The following RPS6KC1 variants were observed in gnomAD, a reference collection of about 807,000 sequenced individuals.
The protein encoded by RPS6KC1 is ribosomal protein S6 kinase C1.
A neutral mutation model predicts 103.8 loss-of-function variants in RPS6KC1; 54 were observed. That is an observed-to-expected ratio of 0.52 (90% CI 0.42 to 0.65). RPS6KC1 has a LOEUF of 0.65. Ranked by LOEUF, RPS6KC1 falls within the 30% of genes least tolerant of loss-of-function variation. The probability of loss-of-function intolerance (pLI) is 0.00; values close to 1 mark genes in which losing one functional copy is unlikely to be tolerated. For missense variants in RPS6KC1, 1,151 were observed against 1,253.8 expected, an observed-to-expected ratio of 0.92 and a Z score of 1.24; for synonymous variants, 439 against 438.7, an observed-to-expected ratio of 1.00 and a Z score of -0.01.
the RPS6KC1 span, among the ~76,000 whole-genome samples, chr1:213,565,234 T>A: frequency 6.6e-6 from 1 of 151,488 alleles, no homozygotes; most frequent in South Asian, 2.1e-4. Context: ...TGTACACACC[T>A]ACGCCATGAC....
At chr1:213,594,192 C>T in the RPS6KC1 span, among the ~76,000 whole-genome samples, 1 of 152,130 alleles carries the variant, frequency 6.6e-6, no homozygotes, top group Non-Finnish European at 1.5e-5. Flanking sequence ...GGTACTATTT[C>T]TTCCATTAAA....
the RPS6KC1 span, among the ~76,000 whole-genome samples, chr1:213,363,776 T>C: frequency 4.5e-4 from 37 of 82,418 alleles, 9 homozygotes; most frequent in African/African-American, 2.2e-3. Flanking sequence ...CTTTCTTTCT[T>C]TCTTTCTTTC....
At chr1:213,067,188 CTTGG>C (rs1457946244) in intron 1 of RPS6KC1, among the ~76,000 whole-genome samples, 1 of 152,190 alleles carries the variant, frequency 6.6e-6, no homozygotes, top group African/African-American at 2.4e-5. Context: ...CCCCTACCAC[CTTGG>C]GCACATGTTG....
chr1:213,549,660 A>G, the RPS6KC1 span, among the ~76,000 whole-genome samples: 6 of 132,028 alleles, frequency 4.5e-5, no homozygotes, highest in African/African-American at 1.4e-4. Flanking sequence ...ATGTTAAGGA[A>G]GGAACAATGC....
chr1:213,736,664 C>A, the RPS6KC1 span, among the ~76,000 whole-genome samples: 1 of 152,152 alleles, frequency 6.6e-6, no homozygotes, highest in Non-Finnish European at 1.5e-5. Context: ...CATTGGGGGT[C>A]AACCTCATCA....
At chr1:213,779,784 G>A in the RPS6KC1 span, among the ~76,000 whole-genome samples, 2 of 152,166 alleles carry the variant, frequency 1.3e-5, no homozygotes, top group African/African-American at 4.8e-5. Context: ...TTGCCACAAG[G>A]AGATGCGCAG....
the RPS6KC1 span, among the ~76,000 whole-genome samples, chr1:213,290,962 T>C: frequency 2.6e-5 from 4 of 152,264 alleles, no homozygotes; most frequent in Non-Finnish European, 4.4e-5. Context: ...ACCTCCTCCT[T>C]CAATTTCCAC....
chr1:213,835,172 T>A, the RPS6KC1 span, among the ~76,000 whole-genome samples: 5 of 152,066 alleles, frequency 3.3e-5, no homozygotes, highest in Admixed American at 3.3e-4. Context: ...AGCAGGAGTG[T>A]CCTAGGAAAA....
the RPS6KC1 span, among the ~76,000 whole-genome samples, chr1:213,727,549 G>A: frequency 5.9e-5 from 9 of 152,316 alleles, no homozygotes; most frequent in East Asian, 1.9e-4. Flanking sequence ...GGCACTCAAA[G>A]TCTGTGAAGA....
the RPS6KC1 span, among the ~76,000 whole-genome samples, chr1:213,735,571 A>G: frequency 6.6e-6 from 1 of 152,204 alleles, no homozygotes; most frequent in African/African-American, 2.4e-5. Flanking sequence ...TTCTACCTAC[A>G]TTGCTAGTAG....
the RPS6KC1 span, among the ~76,000 whole-genome samples, chr1:213,624,198 C>T: frequency 6.6e-6 from 1 of 152,148 alleles, no homozygotes; most frequent in East Asian, 1.9e-4. Flanking sequence ...TTGGGCATGG[C>T]ACTAACTTTA....
the RPS6KC1 span, among the ~76,000 whole-genome samples, chr1:213,688,726 TG>T: frequency 1.3e-5 from 2 of 152,210 alleles, no homozygotes; most frequent in African/African-American, 4.8e-5. Flanking sequence ...GAAATTCTGT[TG>T]ATTCCGGATT....
the RPS6KC1 span, among the ~76,000 whole-genome samples, chr1:213,809,539 C>A: frequency 1.3e-5 from 2 of 151,916 alleles, no homozygotes; most frequent in Non-Finnish European, 2.9e-5. Context: ...ATTTATGAGG[C>A]ATAATAAAGT....
the RPS6KC1 span, among the ~76,000 whole-genome samples, chr1:213,564,216 G>A: frequency 6.6e-6 from 1 of 151,752 alleles, no homozygotes; most frequent in Non-Finnish European, 1.5e-5. Flanking sequence ...AGGTTAACTG[G>A]GTATAAAATT....
chr1:213,272,604 C>A lies in RPS6KC1; in HGVS notation c.3171C>A (p.Thr1057=). ...ATATCAAATCTCATCCATTTTTTACCCCTGTGGATTGGGCAGAACTGATGA... is the reference window on the plus strand; with the variant it reads ...ATATCAAATCTCATCCATTTTTTACACCTGTGGATTGGGCAGAACTGATGA... ...VEDIKSHPFF[T]PVDWAELMR is the part of the protein sequence containing the mutation. Residue 1057 remains threonine (T), a synonymous_variant, in exon 15 of 15, where the codon ACC becomes ACA. Coordinates refer to ENST00000366960, the MANE Select transcript of RPS6KC1 (RefSeq NM_012424.6). The A allele has an allele frequency of 4.3e-6, 7 of 1,613,490 alleles. No individual in the cohort carries two copies. The highest frequency in any genetic ancestry group is 5.9e-6 in the Non-Finnish European group (7 of 1,179,560).
At chr1:213,651,790 A>G in the RPS6KC1 span, among the ~76,000 whole-genome samples, 4 of 151,864 alleles carry the variant, frequency 2.6e-5, no homozygotes, top group African/African-American at 9.7e-5. Context: ...ACATGGAATT[A>G]GTAAGGTTCA....
At chr1:213,618,647 T>G in the RPS6KC1 span, among the ~76,000 whole-genome samples, 20 of 152,200 alleles carry the variant, frequency 1.3e-4, no homozygotes, top group Non-Finnish European at 4.4e-5. Flanking sequence ...CTGAATGATA[T>G]TTCATTTGGG....
the RPS6KC1 span, among the ~76,000 whole-genome samples, chr1:213,304,181 G>A: frequency 1.4e-5 from 2 of 138,386 alleles, no homozygotes; most frequent in East Asian, 2.1e-4. Flanking sequence ...ACTCCAGCCT[G>A]GGCGACAGAG....
At chr1:213,217,764 A>AC (rs2093706803) in intron 8 of RPS6KC1, among the ~76,000 whole-genome samples, 3 of 152,224 alleles carry the variant, frequency 2.0e-5, no homozygotes, top group Non-Finnish European at 4.4e-5. Flanking sequence ...AGAACCAATG[A>AC]CAAAAACCAC....
Sources: gnomAD v4.1 joint callset for allele counts (sites outside exome capture counted in the v4.1 genomes callset) on GRCh38, gnomAD v4.1.1 for gene constraint, MANE v1.5 for transcripts, NCBI Gene and HGNC (gene_info 2026-07-23, HGNC 2026-07-21) for gene names.